Variants in NSF observed in about 807,000 individuals in gnomAD.
The protein encoded by NSF is N-ethylmaleimide sensitive factor, vesicle fusing ATPase.
Under a neutral mutation model 50.3 loss-of-function variants are expected in NSF, and 14 were observed. The observed-to-expected ratio is 0.28, with a 90% CI of 0.18 to 0.44. The LOEUF (loss-of-function observed/expected upper bound fraction) is 0.44, where lower values mean the gene tolerates loss of function less well. Among genes scored for constraint, NSF ranks in the 20% least tolerant of loss-of-function variants. The probability of loss-of-function intolerance (pLI) is 1.00; values close to 1 mark genes in which losing one functional copy is unlikely to be tolerated. For synonymous variants in NSF, 109 were observed against 175.7 expected (o/e 0.62, Z 3.00); for missense variants, 218 against 504.3 (o/e 0.43, Z 5.44).
intron 9 of NSF, among the ~76,000 whole-genome samples, chr17:46,681,671 C>A (rs1388730992): frequency 9.1e-6 from 1 of 109,688 alleles, no homozygotes. Flanking sequence ...CCTCTTAGTG[C>A]TTTAAGTCTG....
Position 46,630,457 on chromosome 17 carries a change from A to AT in NSF, c.238+8dup. The AT allele has an allele frequency of 3.3e-6, 1 of 300,992 alleles. No homozygotes were observed. The highest frequency in any genetic ancestry group is 4.8e-6 in the Non-Finnish European group (1 of 207,950). The allele number at this position is 300,992 out of a possible 1,614,324, so 18.6% of individuals were successfully genotyped here. On this transcript the variant is annotated splice_region_variant and intron_variant, in intron 4 of 20. Coordinates refer to ENST00000398238, the MANE Select transcript of NSF (RefSeq NM_006178.4). The stretch of plus-strand genomic sequence containing the variant: ...ATTGGGCAAGAAATAGAAGGTAGGT[A>AT]TATTTTTTAGCCACCTGATAAAGAT...
chr17:46,737,711 C>T, intron 17 of NSF, among the ~76,000 whole-genome samples: 1 of 151,848 alleles, frequency 6.6e-6, no homozygotes, highest in Non-Finnish European at 1.5e-5. Context: ...TACGTGGTTC[C>T]AGTGGAACAT....
At chr17:46,746,890 G>T (rs2059134533) in intron 17 of NSF, among the ~76,000 whole-genome samples, 1 of 152,142 alleles carries the variant, frequency 6.6e-6, no homozygotes, top group Non-Finnish European at 1.5e-5. Context: ...GATCTGGAGA[G>T]GTGCCATACT....
In NSF at chr17:46,711,036, C is replaced by G. The variant is rs1208602090; in HGVS notation, c.1544C>G (p.Thr515Ser). 2 of 1,591,624 alleles carry G rather than the reference C, an allele frequency of 1.3e-6. No individual in the cohort carries two copies. The highest frequency in any genetic ancestry group is 1.7e-6 in the Non-Finnish European group (2 of 1,172,288). ...ATCATCAAATGGGGTGACCCAGTTA[C>G]TCGAGTTCTAGATGATGGGGAGCTG... is the stretch of plus-strand genomic sequence containing the variant. The part of the protein sequence containing the change: ...NGIIKWGDPV[T>S]RVLDDGELLV... Residue 515 changes from threonine (T) to serine (S), a missense_variant, in exon 14 of 21, where the codon ACT becomes AGT. Coordinates refer to ENST00000398238, the MANE Select transcript of NSF (RefSeq NM_006178.4).
At chr17:46,718,355 A>G (rs1263262796) in intron 15 of NSF, among the ~76,000 whole-genome samples, 1 of 152,256 alleles carries the variant, frequency 6.6e-6, no homozygotes, top group Non-Finnish European at 1.5e-5. Context: ...AAAATTATGT[A>G]TAGATCAAAA....
rs155758 is a variant in NSF, at chr17:46,684,540, T to G, written c.946-8363T>G. 4.8e-3 allele frequency among the ~76,000 whole-genome samples: 733 copies of G among 152,002 alleles called. 9 individuals are homozygous for G. The highest frequency in any genetic ancestry group is 0.016 in the African/African-American group (647 of 41,420). On this transcript the variant is annotated intron_variant, in intron 9 of 20. Coordinates refer to ENST00000398238, the MANE Select transcript of NSF (RefSeq NM_006178.4). ...ACACTGTTGAAACAGCATGGTACTG[T>G]TACCAAAACAGATACATAGACCAAA...
chr17:46,755,787 G>T lies in NSF; in HGVS notation c.2214-15G>T, dbSNP rs200627784. The stretch of plus-strand genomic sequence containing the variant: ...CCCTCATCTGTTTTTTTGTGTTTTG[G>T]TATTTCTTTTGCAGTAGCCCCCTTG... On this transcript the variant is annotated splice_polypyrimidine_tract_variant and intron_variant, in intron 20 of 20. Transcript: ENST00000398238. 2.5e-4 allele frequency: 391 copies of T among 1,595,768 alleles called. 4 individuals are homozygous for T. Among genetic ancestry groups the T allele is most frequent in the Admixed American group, 1.4e-4 (8 of 58,622 alleles).
intron 19 of NSF, among the ~76,000 whole-genome samples, chr17:46,753,223 TGATGGTC>T (rs2059200973): frequency 6.6e-6 from 1 of 152,250 alleles, no homozygotes; most frequent in South Asian, 2.1e-4. Context: ...TGTTACTTAC[TGATGGTC>T]CTGCATTCTG....
rs981953785 is a variant in NSF, at chr17:46,719,074, A to G, written c.1761+5088A>G. On this transcript the variant is annotated intron_variant, in intron 15 of 20. Transcript: ENST00000398238. The surrounding 1 kb of genome is among the most constrained non-coding windows in gnomAD (Gnocchi z 4.3). ...AGAGTATGAGTTTCTTGGGATTCTC[A>G]CCCGTACTTGATATTATTAAAATAT... Among the ~76,000 whole-genome samples the G allele has an allele frequency of 1.3e-5, 2 of 152,180 alleles. No homozygotes were observed. Among genetic ancestry groups the G allele is most frequent in the African/African-American group, 2.4e-5 (1 of 41,424 alleles).
intron 17 of NSF, among the ~76,000 whole-genome samples, chr17:46,744,397 C>T (rs1415120590): frequency 6.6e-6 from 1 of 152,226 alleles, no homozygotes; most frequent in Non-Finnish European, 1.5e-5. Flanking sequence ...CAGCACATAG[C>T]AGTTTTGAGT....
intron 17 of NSF, among the ~76,000 whole-genome samples, chr17:46,733,737 C>T (rs183455321): frequency 2.6e-5 from 4 of 152,256 alleles, no homozygotes; most frequent in East Asian, 1.9e-4. Flanking sequence ...TGAAGCTCAA[C>T]GATTGGAAAA....
chr17:46,679,694 A>C (rs1033607026), intron 9 of NSF, among the ~76,000 whole-genome samples: 9 of 147,724 alleles, frequency 6.1e-5, no homozygotes, highest in African/African-American at 2.2e-4. Context: ...CTCCATGTCA[A>C]AAAAAAAAAA....
At chr17:46,675,637 AACACACAC>A (rs370144995) in intron 9 of NSF, among the ~76,000 whole-genome samples, 1 of 130,094 alleles carries the variant, frequency 7.7e-6, no homozygotes, top group Non-Finnish European at 1.6e-5. Flanking sequence ...TCATAAGGAA[AACACACAC>A]ACACACACAC....
Position 46,751,486 on chromosome 17 carries a change from G to T in NSF, c.2044-17G>T, listed in dbSNP as rs2059181231. On this transcript the variant is annotated splice_polypyrimidine_tract_variant and intron_variant, in intron 18 of 20. Coordinates refer to ENST00000398238, the MANE Select transcript of NSF (RefSeq NM_006178.4). Reference sequence around the variant, plus strand: ...TCACTGTAAAAGTGCTTTGATTATTGTTTATTGTTTTTGTAGCTTTTGGGC... The same window carrying T: ...TCACTGTAAAAGTGCTTTGATTATTTTTTATTGTTTTTGTAGCTTTTGGGC... The T allele has an allele frequency of 4.4e-6, 7 of 1,591,848 alleles. No individual in the cohort carries two copies. Among genetic ancestry groups the T allele is most frequent in the African/African-American group, 4.0e-5 (3 of 74,534 alleles).
At chr17:46,722,544 A>G (rs926613945) in intron 15 of NSF, among the ~76,000 whole-genome samples, 1 of 152,114 alleles carries the variant, frequency 6.6e-6, no homozygotes, top group Non-Finnish European at 1.5e-5. Context: ...TAAATATCTC[A>G]CTTGGATTTT....
chr17:46,602,485 C>G (rs1276961243), intron 1 of NSF: 1 of 33,512 alleles, frequency 3.0e-5, no homozygotes, highest in Non-Finnish European at 5.7e-5. Flanking sequence ...CTGTATAGAT[C>G]TTTGGTGGAG....
chr17:46,722,218 C>A (rs964122717), intron 15 of NSF: 98 of 1,432,950 alleles, frequency 6.8e-5, no homozygotes, highest in Non-Finnish European at 8.7e-5. Flanking sequence ...AGACCCAAAT[C>A]TCGCGAGAGC....
chr17:46,723,841 G>A (rs1265094101), intron 15 of NSF, among the ~76,000 whole-genome samples: 1 of 152,130 alleles, frequency 6.6e-6, no homozygotes, highest in Non-Finnish European at 1.5e-5. Context: ...CCCCTCTAAT[G>A]CTTTTCTATA....
intron 17 of NSF, among the ~76,000 whole-genome samples, chr17:46,744,763 G>A (rs576040358): frequency 2.0e-5 from 3 of 152,258 alleles, no homozygotes; most frequent in East Asian, 1.9e-4. Context: ...CTTAGTACTC[G>A]CTCATTCTTC....
Sources: allele counts gnomAD v4.1 joint callset (sites outside exome capture counted in the v4.1 genomes callset), GRCh38; gene constraint gnomAD v4.1.1; non-coding constraint Gnocchi (gnomAD v3.1); transcripts MANE v1.5; gene names NCBI Gene and HGNC (gene_info 2026-07-23, HGNC 2026-07-21).